ZNF331: variants seen among roughly 807,000 people sequenced by gnomAD.
ZNF331 encodes the protein zinc finger protein 331.
A neutral mutation model predicts 7.0 loss-of-function variants in ZNF331; 2 were observed. The ratio of observed to expected loss-of-function variants is 0.29; its 90% CI spans 0.12 to 0.90. The LOEUF (loss-of-function observed/expected upper bound fraction) is 0.90. ZNF331 is among the 40% of genes least tolerant of loss of function. ZNF331 has a pLI of 0.58. For synonymous variants in ZNF331, 196 were observed against 205.4 expected (o/e 0.95, Z 0.39); for missense variants, 432 against 587.7 (o/e 0.74, Z 2.74).
intron 3 of ZNF331, among the ~76,000 whole-genome samples, chr19:53,568,084 A>C (rs1205754512): frequency 6.6e-6 from 1 of 152,006 alleles, no homozygotes; most frequent in Admixed American, 6.6e-5. Context: ...CCCCATCTCT[A>C]CTAAAAATAC....
At chr19:53,531,758 CAG>C (rs1487600169) in intron 2 of ZNF331, among the ~76,000 whole-genome samples, 1 of 152,184 alleles carries the variant, frequency 6.6e-6, no homozygotes, top group Non-Finnish European at 1.5e-5. Flanking sequence ...CTGACAGCCT[CAG>C]AGTTGTTTTT....
the ZNF331 span, among the ~76,000 whole-genome samples, chr19:53,513,738 G>A: frequency 2.4e-4 from 37 of 151,254 alleles, no homozygotes; most frequent in East Asian, 7.9e-4. Flanking sequence ...TGCAACCTCC[G>A]CCTTCCGGGG....
intron 5 of ZNF331, among the ~76,000 whole-genome samples, chr19:53,575,904 G>A (rs1327642275): frequency 6.6e-6 from 1 of 151,894 alleles, no homozygotes; most frequent in East Asian, 1.9e-4. Flanking sequence ...GGCTGGTCTC[G>A]AACTCCTGAC....
chr19:53,540,969 G>A (rs1211610591), intron 2 of ZNF331, among the ~76,000 whole-genome samples: 4 of 152,100 alleles, frequency 2.6e-5, no homozygotes, highest in Admixed American at 2.0e-4. Flanking sequence ...CCCTATTTTA[G>A]TGTCAGCCCA....
At chr19:53,523,198 CTT>C (rs1423567750) in intron 2 of ZNF331, 4 of 151,834 alleles carry the variant, frequency 2.6e-5, no homozygotes, top group Non-Finnish European at 4.4e-5. Context: ...ACTCTACTCT[CTT>C]AGCAATTTTC....
intron 2 of ZNF331, among the ~76,000 whole-genome samples, chr19:53,544,509 C>CA (rs1490938227): frequency 5.4e-5 from 8 of 148,102 alleles, no homozygotes; most frequent in Admixed American, 4.7e-4. Flanking sequence ...CACGCCACTG[C>CA]ACTCCAGCCT....
chr19:53,517,618 C>A (rs540608233), upstream of ZNF331, among the ~76,000 whole-genome samples: 1 of 152,242 alleles, frequency 6.6e-6, no homozygotes, highest in South Asian at 2.1e-4. Flanking sequence ...CACGCAGGTT[C>A]AAGTCTGCTG....
chr19:53,529,740 G>A (rs1362839699), intron 2 of ZNF331, among the ~76,000 whole-genome samples: 1 of 152,182 alleles, frequency 6.6e-6, no homozygotes, highest in Non-Finnish European at 1.5e-5. Context: ...CAAACTCTGT[G>A]ATATTAGCAC....
At chr19:53,528,663 C>T (rs2087402971) in intron 2 of ZNF331, among the ~76,000 whole-genome samples, 1 of 152,160 alleles carries the variant, frequency 6.6e-6, no homozygotes, top group Non-Finnish European at 1.5e-5. Flanking sequence ...AATCTACTTT[C>T]TTCATTTGGT....
At chr19:53,559,538 C>T (rs766033577) in intron 3 of ZNF331, among the ~76,000 whole-genome samples, 43 of 149,788 alleles carry the variant, frequency 2.9e-4, no homozygotes, top group Non-Finnish European at 5.2e-4. Context: ...ACACACACGC[C>T]ATATATACAC....
In ZNF331 at chr19:53,577,793, T is replaced by G. The variant is rs202019478; in HGVS notation, c.1233T>G (p.Tyr411Ter). Reference protein sequence around the residue: ...HERIHTGVKPYGCTECGKSFS... With the variant: ...HERIHTGVKP ...GAATTCATACCGGGGTGAAACCCTA[T>G]GGGTGTACAGAATGTGGGAAGAGCT... The change falls in exon 6 of 6, where the codon TAT becomes TAG. Residue 411 changes from tyrosine (Y) to a stop codon, truncating the protein, a stop_gained. Transcript: ENST00000449416. LOFTEE classifies it low-confidence loss of function (END_TRUNC). 1 of 1,614,064 alleles carries G rather than the reference T, an allele frequency of 6.2e-7. No individual in the cohort carries two copies.
chr19:53,533,500 G>A (rs2708779), upstream of ZNF331, among the ~76,000 whole-genome samples: 18,389 of 152,158 alleles, frequency 0.12, 1,157 homozygotes, highest in East Asian at 0.18. Context: ...CATCTGATAA[G>A]TCCATTTGGT....
intron 2 of ZNF331, among the ~76,000 whole-genome samples, chr19:53,548,263 A>G (rs1185302220): frequency 6.6e-6 from 1 of 151,732 alleles, no homozygotes; most frequent in African/African-American, 2.4e-5. Context: ...GCGTGCCACC[A>G]CGCCCGGCTA....
chr19:53,559,651 AGCTACAT>A (rs1321383847), intron 3 of ZNF331, among the ~76,000 whole-genome samples: 11 of 149,718 alleles, frequency 7.3e-5, no homozygotes, highest in Non-Finnish European at 1.5e-4. Flanking sequence ...ATATATACAC[AGCTACAT>A]ATATACACAC....
At chr19:53,523,886 G>A (rs2087188017) in intron 2 of ZNF331, among the ~76,000 whole-genome samples, 1 of 150,772 alleles carries the variant, frequency 6.6e-6, no homozygotes, top group South Asian at 2.1e-4. Flanking sequence ...TTTGCATTAG[G>A]TATTTCTCCT....
chr19:53,561,880 G>C (rs550016489), intron 3 of ZNF331, among the ~76,000 whole-genome samples: 1 of 152,302 alleles, frequency 6.6e-6, no homozygotes, highest in African/African-American at 2.4e-5. Flanking sequence ...GGGTGCAATG[G>C]CTTGTGCCTG....
upstream of ZNF331, among the ~76,000 whole-genome samples, chr19:53,535,577 G>A (rs973557188): frequency 3.9e-5 from 6 of 152,062 alleles, no homozygotes; most frequent in Non-Finnish European, 7.4e-5. Flanking sequence ...GCCCAACCAC[G>A]GGTCACATTA....
At chr19:53,514,945 C>A (rs1488648531), upstream of ZNF331, among the ~76,000 whole-genome samples, 3 of 152,080 alleles carry the variant, frequency 2.0e-5, no homozygotes, top group South Asian at 6.2e-4. Context: ...CATGGTGCCC[C>A]GCCAAAGCCT....
Position 53,578,624 on chromosome 19 carries a change from T to G in ZNF331, c.*672T>G. On this transcript the variant is annotated 3_prime_UTR_variant, in exon 6 of 6. Coordinates refer to ENST00000449416, the MANE Select transcript of ZNF331 (RefSeq NM_001079906.2). ...CGTATATATGTACAGGAAAAAAACG[T>G]ACTATCTGTGGTTTCAGGTGTCCAC... The G allele has an allele frequency of 4.9e-6, 1 of 204,330 alleles. No homozygotes were observed. Among genetic ancestry groups the G allele is most frequent in the Non-Finnish European group, 1.0e-5 (1 of 99,868 alleles). 12.7% of individuals were successfully genotyped at this position (204,330 alleles called of 1,614,324 possible).
Sources: gnomAD v4.1 joint callset for allele counts (sites outside exome capture counted in the v4.1 genomes callset) on GRCh38, gnomAD v4.1.1 for gene constraint, MANE v1.5 for transcripts, NCBI Gene and HGNC (gene_info 2026-07-23, HGNC 2026-07-21) for gene names.